Variants in DOCK3 observed in about 807,000 individuals in gnomAD.
DOCK3 encodes the protein dedicator of cytokinesis 3.
DOCK3 carries 60 observed loss-of-function variants against 265.6 expected under a neutral mutation model. The observed-to-expected ratio is 0.23, with a 90% CI of 0.18 to 0.28. The LOEUF (loss-of-function observed/expected upper bound fraction) is 0.28. Among genes scored for constraint, DOCK3 ranks in the 10% least tolerant of loss-of-function variants. The probability of loss-of-function intolerance (pLI) is 1.00; values close to 1 mark genes in which losing one functional copy is unlikely to be tolerated. For synonymous variants in DOCK3, 881 were observed against 938.0 expected (o/e 0.94, Z 1.11); for missense variants, 1,981 against 2,594.3 (o/e 0.76, Z 5.14).
chr3:50,964,502 A>G (rs770267578), intron 5 of DOCK3, among the ~76,000 whole-genome samples: 1 of 152,188 alleles, frequency 6.6e-6, no homozygotes, highest in Non-Finnish European at 1.5e-5. Context: ...GAATGAGATC[A>G]ATGGCAGATC....
At chr3:51,085,501 A>G (rs192228496) in intron 7 of DOCK3, among the ~76,000 whole-genome samples, 90 of 152,350 alleles carry the variant, frequency 5.9e-4, no homozygotes, top group African/African-American at 2.0e-3. Context: ...AAAACTAGAA[A>G]TCAATAAAAA....
intron 7 of DOCK3, among the ~76,000 whole-genome samples, chr3:51,084,722 A>G (rs934340484): frequency 6.6e-6 from 1 of 152,220 alleles, no homozygotes; most frequent in Non-Finnish European, 1.5e-5. Flanking sequence ...TCATAAAAAA[A>G]CCACCAAATC....
intron 49 of DOCK3, among the ~76,000 whole-genome samples, chr3:51,368,095 T>C (rs2087380774): frequency 6.6e-6 from 1 of 152,228 alleles, no homozygotes; most frequent in South Asian, 2.1e-4. Flanking sequence ...TTTTCCAATT[T>C]GGTTCCATTC....
At chr3:51,083,890 A>G (rs1316518581) in intron 7 of DOCK3, among the ~76,000 whole-genome samples, 1 of 152,166 alleles carries the variant, frequency 6.6e-6, no homozygotes, top group African/African-American at 2.4e-5. Flanking sequence ...AGACTGAGGC[A>G]GGAGAATCAC....
intron 10 of DOCK3, among the ~76,000 whole-genome samples, chr3:51,155,997 C>A (rs1350959429): frequency 6.6e-6 from 1 of 152,038 alleles, no homozygotes; most frequent in Non-Finnish European, 1.5e-5. Flanking sequence ...TATTAGTTGT[C>A]ATTTTATTTT....
At chr3:51,252,093 T>C (rs1444862087) in intron 22 of DOCK3, among the ~76,000 whole-genome samples, 3 of 152,230 alleles carry the variant, frequency 2.0e-5, no homozygotes, top group South Asian at 4.1e-4. Flanking sequence ...TAGCCAGTTT[T>C]CCCAGCACCA....
chr3:51,026,433 GT>G (rs34722593), intron 5 of DOCK3, among the ~76,000 whole-genome samples: 96,738 of 140,230 alleles, frequency 0.69, 33,116 homozygotes, highest in South Asian at 0.82. Flanking sequence ...TTGGCCTGTA[GT>G]TTTTTTTTTT....
At chr3:51,312,602 T>A in intron 30 of DOCK3, 26 bp downstream of exon 30, 1 of 1,547,492 alleles carries the variant, frequency 6.5e-7, no homozygotes, top group Non-Finnish European at 8.7e-7. Context: ...TATATTCATC[T>A]CCTTACCACT....
chr3:51,124,967 T>TAAAAAAA (rs35040855), intron 9 of DOCK3, among the ~76,000 whole-genome samples: 1 of 126,670 alleles, frequency 7.9e-6, no homozygotes, highest in Non-Finnish European at 1.6e-5. Context: ...CTGTCTCTAC[T>TAAAAAAA]AAAAAAAAAA....
At chr3:51,143,093 G>A (rs774198022) in intron 9 of DOCK3, among the ~76,000 whole-genome samples, 14 of 151,968 alleles carry the variant, frequency 9.2e-5, no homozygotes, top group Non-Finnish European at 1.6e-4. Context: ...CACCATGTTG[G>A]CCAGGCTGGT....
intron 7 of DOCK3, among the ~76,000 whole-genome samples, chr3:51,075,788 G>A (rs2082037005): frequency 6.6e-6 from 1 of 152,134 alleles, no homozygotes; most frequent in African/African-American, 2.4e-5. Flanking sequence ...CAATTATTAG[G>A]TAATATAGAA....
chr3:51,080,189 C>A (rs2082180234), intron 7 of DOCK3, among the ~76,000 whole-genome samples: 1 of 152,216 alleles, frequency 6.6e-6, no homozygotes, highest in African/African-American at 2.4e-5. Context: ...AGTTGGTTAA[C>A]ATATCCAAAG....
intron 22 of DOCK3, among the ~76,000 whole-genome samples, chr3:51,249,167 C>CT (rs1428885454): frequency 7.0e-6 from 1 of 143,044 alleles, no homozygotes; most frequent in Non-Finnish European, 1.5e-5. Context: ...GTCAGCCCCC[C>CT]GCCAGGCCAG....
chr3:51,377,100 G>C (rs1455024542), intron 51 of DOCK3, among the ~76,000 whole-genome samples: 1 of 152,232 alleles, frequency 6.6e-6, no homozygotes, highest in East Asian at 1.9e-4. Flanking sequence ...GGCCAGACCA[G>C]GACCCTACCC....
intron 2 of DOCK3, among the ~76,000 whole-genome samples, chr3:50,827,408 A>G (rs1244883312): frequency 6.6e-6 from 1 of 152,214 alleles, no homozygotes; most frequent in Non-Finnish European, 1.5e-5. Flanking sequence ...GTGTGTCCTC[A>G]CATAGAGGAA....
At chr3:50,970,913 AT>A (rs2077193583) in intron 5 of DOCK3, among the ~76,000 whole-genome samples, 8 of 60,210 alleles carry the variant, frequency 1.3e-4, no homozygotes, top group East Asian at 1.1e-3. Context: ...ATATATATAT[AT>A]ATATATATAT....
At chr3:51,171,194 G>T (rs1341376331) in intron 12 of DOCK3, among the ~76,000 whole-genome samples, 11 of 151,988 alleles carry the variant, frequency 7.2e-5, no homozygotes, top group Non-Finnish European at 1.5e-5. Context: ...GTTTCTCTGA[G>T]AACTGCTTTT....
At chr3:50,941,339 G>A (rs915564254) in intron 5 of DOCK3, among the ~76,000 whole-genome samples, 43 of 152,138 alleles carry the variant, frequency 2.8e-4, no homozygotes, top group African/African-American at 9.2e-4. Flanking sequence ...AGCCAATAGA[G>A]TAATGCAAAT....
In DOCK3 at chr3:51,089,230, C is replaced by G; in HGVS notation, c.550-13C>G. 1 of 1,601,100 alleles carries G rather than the reference C, an allele frequency of 6.2e-7. No homozygotes were observed. Among genetic ancestry groups the G allele is most frequent in the Non-Finnish European group, 8.5e-7 (1 of 1,173,450 alleles). On this transcript the variant is annotated splice_polypyrimidine_tract_variant and intron_variant, in intron 7 of 52. Coordinates refer to ENST00000266037, the MANE Select transcript of DOCK3 (RefSeq NM_004947.5). The stretch of plus-strand genomic sequence containing the variant: ...TCCCGGTAGAGTTTATTTTTCTTTC[C>G]TTCTTTCCATAGCATTTATCTAGCC...
Sources: allele counts gnomAD v4.1 joint callset (sites outside exome capture counted in the v4.1 genomes callset), GRCh38; gene constraint gnomAD v4.1.1; transcripts MANE v1.5; gene names NCBI Gene and HGNC (gene_info 2026-07-23, HGNC 2026-07-21).